Variants in PRKCG observed in about 807,000 individuals in gnomAD.
PRKCG encodes protein kinase C gamma type.
PRKCG carries 28 observed loss-of-function variants against 82.0 expected under a neutral mutation model. That is an observed-to-expected ratio of 0.34 (90% CI 0.25 to 0.47). The LOEUF is 0.47. Ranked by LOEUF, PRKCG falls within the 20% of genes least tolerant of loss-of-function variation. PRKCG has a pLI of 1.00. For missense variants in PRKCG, 640 were observed against 952.7 expected (o/e 0.67, Z 4.32); for synonymous variants, 383 against 376.6 (o/e 1.02, Z -0.20).
rs367543211 is a variant in PRKCG at position 53,892,629 on chromosome 19, G to A, written c.807G>A (p.Ala269=). The part of the protein sequence containing the change: ...MSFGVSELLK[A]PVDGWYKLLN... ...TTGGCGTCTCGGAGCTGCTCAAGGCGCCCGTGGATGGCTGGTGAGGAGCAG... is the reference window on the plus strand; with the variant it reads ...TTGGCGTCTCGGAGCTGCTCAAGGCACCCGTGGATGGCTGGTGAGGAGCAG... Residue 269 remains alanine (A), a synonymous_variant, in exon 7 of 18, where the codon GCG becomes GCA. Coordinates refer to ENST00000263431, the MANE Select transcript of PRKCG (RefSeq NM_002739.5). This position sits in a 1 kb window ranked among gnomAD's most constrained non-coding sequence, Gnocchi z 5.9. 5 of 1,611,888 alleles carry A rather than the reference G, an allele frequency of 3.1e-6. No homozygotes were observed. Among genetic ancestry groups the A allele is most frequent in the South Asian group, 2.2e-5 (2 of 91,066 alleles).
rs2068816488 is a variant in PRKCG at position 53,906,842 on chromosome 19, G to A, written c.2041G>A (p.Val681Met). The A allele has an allele frequency of 6.2e-7, 1 of 1,613,572 alleles. No individual in the cohort carries two copies. Among genetic ancestry groups the A allele is most frequent in the Non-Finnish European group, 8.5e-7 (1 of 1,179,968 alleles). The change falls in exon 18 of 18, where the codon GTG becomes ATG. Residue 681 changes from valine (V) to methionine (M), a missense_variant. Around this residue, in one of 7 missense-constraint regions of PRKCG, gnomAD observed 198 missense variants for 273.4 expected, o/e 0.72. Transcript: ENST00000263431. ...CTTCACCTACGTGAACCCCGACTTCGTGCACCCGGATGCCCGCAGCCCCAC... is the reference window on the plus strand; with the variant it reads ...CTTCACCTACGTGAACCCCGACTTCATGCACCCGGATGCCCGCAGCCCCAC... Reference protein sequence around the residue: ...QGFTYVNPDFVHPDARSPTSP... With the variant: ...QGFTYVNPDFMHPDARSPTSP...
At chr19:53,896,392 A>G (rs1242621537) in intron 9 of PRKCG, among the ~76,000 whole-genome samples, 3 of 138,074 alleles carry the variant, frequency 2.2e-5, no homozygotes, top group African/African-American at 8.5e-5. Context: ...TATTATTATT[A>G]TTATTATTAT....
chr19:53,906,291 T>C (rs1242955396), intron 16 of PRKCG, 26 bp from the exon 17 acceptor site: 3 of 1,551,160 alleles, frequency 1.9e-6, no homozygotes, highest in Non-Finnish European at 2.6e-6. Context: ...TGTTTGTCTG[T>C]CTGTCTCTCT....
In PRKCG at chr19:53,898,436, A is replaced by G; in HGVS notation, c.1093-4A>G. 2 of 1,613,926 alleles carry G rather than the reference A, an allele frequency of 1.2e-6. No homozygotes were observed. The highest frequency in any genetic ancestry group is 1.1e-5 in the South Asian group (1 of 91,080). ...GACTGGCCCTTTTGGAACTGTGCGC[A>G]TAGGTGATGCTGGCCGAGCGCAGGG... is the stretch of plus-strand genomic sequence containing the variant. On this transcript the variant is annotated splice_region_variant and splice_polypyrimidine_tract_variant and intron_variant, in intron 10 of 17. Transcript: ENST00000263431.
At chr19:53,896,385 T>G (rs901992323) in intron 9 of PRKCG, among the ~76,000 whole-genome samples, 1 of 72,546 alleles carries the variant, frequency 1.4e-5, no homozygotes, top group Non-Finnish European at 3.3e-5. Flanking sequence ...TGATTATTAT[T>G]ATTATTATTA....
Position 53,884,497 on chromosome 19 carries a change from G to A in PRKCG, c.285+254G>A, listed in dbSNP as rs546330669. Among the ~76,000 whole-genome samples the A allele has an allele frequency of 5.2e-4, 79 of 152,230 alleles. No homozygotes were observed. The highest frequency in any genetic ancestry group is 1.9e-3 in the South Asian group (9 of 4,822). On this transcript the variant is annotated intron_variant, in intron 3 of 17. Transcript: ENST00000263431. The surrounding 1 kb of genome is among the most constrained non-coding windows in gnomAD (Gnocchi z 4.6). Reference sequence around the variant, plus strand: ...GAGGAGACTGAAGATGGGTGCTGCCGGGGGTGGGCTGTGATCCAGGGGTGA... The same window carrying A: ...GAGGAGACTGAAGATGGGTGCTGCCAGGGGTGGGCTGTGATCCAGGGGTGA...
At chr19:53,890,748 ATTTTT>A (rs540543756) in intron 5 of PRKCG, among the ~76,000 whole-genome samples, 49 of 119,778 alleles carry the variant, frequency 4.1e-4, no homozygotes, top group Admixed American at 8.8e-4. Flanking sequence ...CATCCGGCTA[ATTTTT>A]TTTTTTTTTT....
Position 53,900,829 on chromosome 19 carries a change from T to G in PRKCG, c.1575+80T>G. ...CTGATGGTCCAGTATTCACCACGGGTGAGGCCTGACCCTCAGACCTTGTCA... is the reference window on the plus strand; with the variant it reads ...CTGATGGTCCAGTATTCACCACGGGGGAGGCCTGACCCTCAGACCTTGTCA... On this transcript the variant is annotated intron_variant, in intron 14 of 17. Transcript: ENST00000263431. The surrounding 1 kb of genome is among the most constrained non-coding windows in gnomAD (Gnocchi z 4.2). The G allele has an allele frequency of 6.2e-7, 1 of 1,602,444 alleles. No homozygotes were observed.
chr19:53,887,336 A>G (rs905572892), intron 3 of PRKCG, among the ~76,000 whole-genome samples: 1 of 151,852 alleles, frequency 6.6e-6, no homozygotes, highest in African/African-American at 2.4e-5. Flanking sequence ...CGTGTCTACT[A>G]AGAATACAAA....
intron 9 of PRKCG, among the ~76,000 whole-genome samples, chr19:53,894,879 C>T (rs775322436): frequency 2.6e-5 from 4 of 152,126 alleles, no homozygotes; most frequent in African/African-American, 4.8e-5. Context: ...ACATTCACAA[C>T]GAGGAGCAAT....
chr19:53,886,396 A>C (rs1212633176), intron 3 of PRKCG, among the ~76,000 whole-genome samples: 1 of 151,690 alleles, frequency 6.6e-6, no homozygotes, highest in Admixed American at 6.6e-5. Flanking sequence ...GAGCCACCGC[A>C]CCCAGCCGAT....
chr19:53,891,609 G>C (rs1261163052), intron 5 of PRKCG, 65 bp from the exon 6 acceptor site: 9 of 1,587,604 alleles, frequency 5.7e-6, no homozygotes, highest in Non-Finnish European at 7.8e-6. Context: ...TTGCTGACTG[G>C]AGGAGGGCTG....
In PRKCG at chr19:53,884,923, GACAC is replaced by G. The variant is rs935508328; in HGVS notation, c.285+684_285+687del. ...TCATCACAGATGTGCAGCACGCAGAGACACACAGCCTCTCCCCACCCCCTCTCTC... is the reference window on the plus strand; with the variant it reads ...TCATCACAGATGTGCAGCACGCAGAGACAGCCTCTCCCCACCCCCTCTCTC... On this transcript the variant is annotated intron_variant, in intron 3 of 17. Transcript: ENST00000263431. This position sits in a 1 kb window ranked among gnomAD's most constrained non-coding sequence, Gnocchi z 4.6. Among the ~76,000 whole-genome samples, 3 of 152,210 alleles carry G rather than the reference GACAC, an allele frequency of 2.0e-5. No homozygotes were observed. The highest frequency in any genetic ancestry group is 7.2e-5 in the African/African-American group (3 of 41,466).
Position 53,889,866 on chromosome 19 carries a change from C to A in PRKCG, c.398-20C>A. On this transcript the variant is annotated intron_variant, in intron 4 of 17. Transcript: ENST00000263431. This position sits in a 1 kb window ranked among gnomAD's most constrained non-coding sequence, Gnocchi z 4.4. ...CTTGGGGGCGGGGCCTGAGGTGCTA[C>A]CCGCAGCTTTCCCCTCCAGGCTGCG... 1 of 1,575,586 alleles carries A rather than the reference C, an allele frequency of 6.3e-7. No homozygotes were observed.
chr19:53,899,689 C>A lies in PRKCG; in HGVS notation c.1282-544C>A, dbSNP rs540309257. The stretch of plus-strand genomic sequence containing the variant: ...GCAACCTCCGCCTCCCGGGTTTAAG[C>A]AATTCTCCCGTCTCAGCCTCCTGAG... On this transcript the variant is annotated intron_variant, in intron 11 of 17. Transcript: ENST00000263431. Among the ~76,000 whole-genome samples the A allele has an allele frequency of 3.3e-5, 5 of 152,068 alleles. No individual in the cohort carries two copies. In the South Asian group the frequency reaches 1.0e-3, roughly 32 times the overall value.
intron 9 of PRKCG, among the ~76,000 whole-genome samples, chr19:53,896,787 C>A (rs984662570): frequency 6.6e-5 from 10 of 152,286 alleles, no homozygotes; most frequent in African/African-American, 2.4e-4. Flanking sequence ...ACAAAGCAGA[C>A]CCCTGCCTTA....
At chr19:53,890,077 C>T (rs968359449) in intron 5 of PRKCG, 60 bp downstream of exon 5, 2 of 1,520,432 alleles carry the variant, frequency 1.3e-6, no homozygotes, top group African/African-American at 2.8e-5. Flanking sequence ...CGGGGCTGAC[C>T]CAAGGCACTT....
At position 53,889,867 on chromosome 19, in the gene PRKCG, C is replaced by A; in HGVS notation, c.398-19C>A. ...TTGGGGGCGGGGCCTGAGGTGCTAC[C>A]CGCAGCTTTCCCCTCCAGGCTGCGA... On this transcript the variant is annotated intron_variant, in intron 4 of 17. Transcript: ENST00000263431. The surrounding 1 kb of genome is among the most constrained non-coding windows in gnomAD (Gnocchi z 4.4). 3.2e-6 allele frequency: 5 copies of A among 1,575,874 alleles called. No homozygotes were observed. Among genetic ancestry groups the A allele is most frequent in the Non-Finnish European group, 4.3e-6 (5 of 1,161,426 alleles).
Position 53,902,890 on chromosome 19 carries a change from C to CAAAAAAAAAAAA in PRKCG, c.1576-168_1576-157dup, listed in dbSNP as rs56955659. Among the ~76,000 whole-genome samples the CAAAAAAAAAAAA allele has an allele frequency of 3.9e-3, 78 of 19,972 alleles. 8 individuals are homozygous for CAAAAAAAAAAAA. Among genetic ancestry groups the CAAAAAAAAAAAA allele is most frequent in the African/African-American group, 0.01 (76 of 7,260 alleles). The allele number at this position is 19,972 out of a possible 152,430, so 13.1% of individuals were successfully genotyped here. ...CCTGGGCAACAGAGTGAGACCCTGT[C>CAAAAAAAAAAAA]AAAAAAAAAAAAAAAAAAAAAAAAA... On this transcript the variant is annotated intron_variant, in intron 14 of 17. Coordinates refer to ENST00000263431, the MANE Select transcript of PRKCG (RefSeq NM_002739.5).
Sources: allele counts gnomAD v4.1 joint callset (sites outside exome capture counted in the v4.1 genomes callset), GRCh38; gene constraint gnomAD v4.1.1; regional missense constraint gnomAD v4.1.1; non-coding constraint Gnocchi (gnomAD v3.1); transcripts MANE v1.5; gene names NCBI Gene and HGNC (gene_info 2026-07-23, HGNC 2026-07-21).